WWOX: variants seen among roughly 807,000 people sequenced by gnomAD.
The protein encoded by WWOX is WW domain-containing oxidoreductase.
Under a neutral mutation model 46.2 loss-of-function variants are expected in WWOX, and 69 were observed. That is an observed-to-expected ratio of 1.49 (90% confidence interval 1.23 to 1.82). The LOEUF is 1.82. Ranked by LOEUF, WWOX falls within the 40% of genes most tolerant of loss-of-function variation. The probability of loss-of-function intolerance (pLI) is 0.00; values close to 1 mark genes in which losing one functional copy is unlikely to be tolerated. For missense variants in WWOX, 919 were observed against 542.6 expected, an observed-to-expected ratio of 1.69 and a Z score of -6.89; for synonymous variants, 359 against 202.6, an observed-to-expected ratio of 1.77 and a Z score of -6.56.
intron 8 of WWOX, among the ~76,000 whole-genome samples, chr16:78,750,799 C>A (rs1406671003): frequency 6.6e-6 from 1 of 152,134 alleles, no homozygotes; most frequent in Non-Finnish European, 1.5e-5. Context: ...CAAGCTGTAT[C>A]CACGTTGCTG....
In WWOX at chr16:78,109,823, T is replaced by G; in HGVS notation, c.218T>G (p.Val73Gly). The change falls in exon 3 of 9, where the codon GTG becomes GGG. Residue 73 changes from valine (V) to glycine (G), a missense_variant. Transcript: ENST00000566780. ...CAAGAAACTGATGAGAACGGACAAG[T>G]GTTTTTTGTTGAGTAAGTGTCTGCA... ...WEQETDENGQ[V>G]FFVDHINKRT... 6.2e-7 allele frequency: 1 copy of G among 1,614,186 alleles called. No individual in the cohort carries two copies. The highest frequency in any genetic ancestry group is 8.5e-7 in the Non-Finnish European group (1 of 1,180,026).
chr16:78,099,717 G>A lies in WWOX; in HGVS notation c.-62G>A, dbSNP rs2031615332. ...CGGGTCTCGTTTGGAGCGGGAGTGA[G>A]TTCCTGAGCGAGTGGACCCGGCAGC... On this transcript the variant is annotated 5_prime_UTR_variant, in exon 1 of 9. Transcript: ENST00000566780. 6.7e-7 allele frequency: 1 copy of A among 1,499,296 alleles called. No homozygotes were observed. Among genetic ancestry groups the A allele is most frequent in the Non-Finnish European group, 8.9e-7 (1 of 1,124,744 alleles). The allele number at this position is 1,499,296 out of a possible 1,614,324, so 92.9% of individuals were successfully genotyped here.
chr16:78,504,041 C>T (rs1408809293), intron 8 of WWOX, among the ~76,000 whole-genome samples: 1 of 151,936 alleles, frequency 6.6e-6, no homozygotes, highest in Non-Finnish European at 1.5e-5. Flanking sequence ...AGATGTCAGT[C>T]AGGGGGAAAA....
chr16:78,390,711 T>A (rs971283995), intron 6 of WWOX, among the ~76,000 whole-genome samples: 1 of 152,198 alleles, frequency 6.6e-6, no homozygotes, highest in African/African-American at 2.4e-5. Flanking sequence ...TAAGTGCTGG[T>A]GACTAGGCTG....
In WWOX at chr16:78,747,573, T is replaced by C. The variant is rs536403469; in HGVS notation, c.1056+314821T>C. Among the ~76,000 whole-genome samples the C allele has an allele frequency of 5.9e-5, 9 of 152,292 alleles. No homozygotes were observed. The East Asian group carries it at 1.4e-3, about 23-fold the overall frequency. On this transcript the variant is annotated intron_variant, in intron 8 of 8. Transcript: ENST00000566780. The stretch of plus-strand genomic sequence containing the variant: ...GAGGAAACTGAGGCTAAGAGAGCCT[T>C]GGCAAGCTGAGTTACTTAGCTAGCA...
intron 7 of WWOX, among the ~76,000 whole-genome samples, chr16:78,427,938 C>T (rs2151962237): frequency 6.6e-6 from 1 of 152,154 alleles, no homozygotes. Flanking sequence ...TGTGGTGGTG[C>T]ACGCCTGTAA....
At chr16:79,125,462 C>T (rs1304052198) in intron 8 of WWOX, among the ~76,000 whole-genome samples, 7 of 152,172 alleles carry the variant, frequency 4.6e-5, no homozygotes, top group Non-Finnish European at 1.0e-4. Flanking sequence ...TTCTTAATTA[C>T]GCTTTCTTTC....
intron 4 of WWOX, among the ~76,000 whole-genome samples, chr16:78,160,234 G>A (rs1261448212): frequency 6.6e-6 from 1 of 151,882 alleles, no homozygotes; most frequent in Non-Finnish European, 1.5e-5. Context: ...CCAGGCTGGA[G>A]TGAAGTGGCA....
At chr16:78,615,098 A>G (rs756841958) in intron 8 of WWOX, among the ~76,000 whole-genome samples, 9 of 152,208 alleles carry the variant, frequency 5.9e-5, no homozygotes, top group Non-Finnish European at 8.8e-5. Context: ...GTGAAATTCT[A>G]TGTGTAAAAT....
chr16:78,856,692 G>T (rs949013289), intron 8 of WWOX, among the ~76,000 whole-genome samples: 1 of 152,044 alleles, frequency 6.6e-6, no homozygotes, highest in African/African-American at 2.4e-5. Context: ...ATGGGAAGGG[G>T]CATATAATTC....
chr16:78,689,448 T>C (rs542479508), intron 8 of WWOX, among the ~76,000 whole-genome samples: 75 of 152,338 alleles, frequency 4.9e-4, no homozygotes, highest in African/African-American at 1.8e-3. Context: ...GACCAAACTT[T>C]AGCTCAGCTC....
intron 7 of WWOX, 146 bp downstream of exon 7, chr16:78,425,201 G>C: frequency 1.8e-6 from 2 of 1,096,718 alleles, no homozygotes; most frequent in South Asian, 2.9e-5. Flanking sequence ...ATTTTTCCAG[G>C]TCTTTTTTGT....
intron 8 of WWOX, among the ~76,000 whole-genome samples, chr16:78,434,021 C>G (rs1362521979): frequency 6.6e-6 from 1 of 152,096 alleles, no homozygotes; most frequent in Non-Finnish European, 1.5e-5. Flanking sequence ...AATCTCCTGA[C>G]CTCGTGATCC....
At chr16:78,536,763 G>T (rs560197509) in intron 8 of WWOX, among the ~76,000 whole-genome samples, 37 of 152,220 alleles carry the variant, frequency 2.4e-4, no homozygotes, top group Non-Finnish European at 4.0e-4. Context: ...AGGAGGAAAA[G>T]GTGACTTGCC....
chr16:78,744,556 C>A (rs62036149), intron 8 of WWOX, among the ~76,000 whole-genome samples: 3 of 151,182 alleles, frequency 2.0e-5, no homozygotes, highest in African/African-American at 7.3e-5. Context: ...CTCAGCCTCC[C>A]GAGTAGCTGG....
chr16:78,633,697 G>A (rs1015747425), intron 8 of WWOX, among the ~76,000 whole-genome samples: 1 of 152,144 alleles, frequency 6.6e-6, no homozygotes, highest in Non-Finnish European at 1.5e-5. Context: ...TTTATGCTTC[G>A]CTGTGAAGTG....
chr16:79,036,908 A>G (rs922164309), intron 8 of WWOX, among the ~76,000 whole-genome samples: 9 of 152,196 alleles, frequency 5.9e-5, no homozygotes, highest in South Asian at 2.1e-4. Context: ...CAGATGGGCA[A>G]TAAGTGGTTC....
chr16:78,156,737 A>C (rs1366848463), intron 4 of WWOX, among the ~76,000 whole-genome samples: 1 of 152,106 alleles, frequency 6.6e-6, no homozygotes, highest in Non-Finnish European at 1.5e-5. Context: ...CAGCCTGGCC[A>C]ACATGGTGAA....
intron 8 of WWOX, among the ~76,000 whole-genome samples, chr16:78,845,582 C>A (rs1262051605): frequency 6.6e-6 from 1 of 152,140 alleles, no homozygotes; most frequent in Non-Finnish European, 1.5e-5. Context: ...ATATAATTTA[C>A]TAAGTGTGGC....
Sources: gnomAD v4.1 joint callset for allele counts (sites outside exome capture counted in the v4.1 genomes callset) on GRCh38, gnomAD v4.1.1 for gene constraint, MANE v1.5 for transcripts, NCBI Gene and HGNC (gene_info 2026-07-23, HGNC 2026-07-21) for gene names.